PROM1: variants seen among roughly 807,000 people sequenced by gnomAD.
PROM1 encodes prominin-1.
PROM1 carries 105 observed loss-of-function variants against 116.9 expected under a neutral mutation model. The observed-to-expected ratio is 0.90, with a 90% confidence interval of 0.77 to 1.06. The LOEUF (loss-of-function observed/expected upper bound fraction) is 1.06. Among genes scored for constraint, PROM1 ranks in the 50% least tolerant of loss-of-function variants. The pLI, the probability that PROM1 is intolerant of heterozygous loss-of-function variation, is 0.00. For missense variants in PROM1, 1,122 were observed against 1,045.2 expected (o/e 1.07, Z -1.01); for synonymous variants, 393 against 387.0 (o/e 1.02, Z -0.18).
intron 2 of PROM1, among the ~76,000 whole-genome samples, chr4:16,057,434 A>G (rs1039776448): frequency 6.6e-6 from 1 of 152,252 alleles, no homozygotes; most frequent in Non-Finnish European, 1.5e-5. Context: ...TCGGGAACTT[A>G]GAGACTCCTA....
At chr4:16,051,163 A>G (rs1225815656) in intron 2 of PROM1, among the ~76,000 whole-genome samples, 1 of 152,234 alleles carries the variant, frequency 6.6e-6, no homozygotes, top group Non-Finnish European at 1.5e-5. Context: ...AACTCCAGGG[A>G]CAGGGAACAG....
At chr4:15,980,620 T>A in intron 23 of PROM1, 83 bp from the exon 24 acceptor site, 1 of 920,998 alleles carries the variant, frequency 1.1e-6, no homozygotes, top group East Asian at 2.6e-5. Flanking sequence ...TTTTTTTTTT[T>A]TTTTTTTTTT....
In PROM1 at chr4:16,075,641, G is replaced by T. The variant is rs181255076; in HGVS notation, c.220+46C>A. On this transcript the variant is annotated intron_variant, in intron 2 of 27. Coordinates refer to ENST00000447510, the MANE Select transcript of PROM1 (RefSeq NM_006017.3). ...TTGACATTAAAAAACAATATTGTGGGTGCGTTTGGAGATAAATCCTATCTT... is the reference window on the plus strand; with the variant it reads ...TTGACATTAAAAAACAATATTGTGGTTGCGTTTGGAGATAAATCCTATCTT... The T allele has an allele frequency of 4.0e-6, 6 of 1,514,256 alleles. 1 individual carries two copies. The South Asian group carries it at 7.2e-5, about 18-fold the overall frequency. The allele number at this position is 1,514,256 out of a possible 1,614,324, so 93.8% of individuals were successfully genotyped here.
chr4:16,036,440 G>A (rs900090764), intron 3 of PROM1, among the ~76,000 whole-genome samples: 1 of 152,150 alleles, frequency 6.6e-6, no homozygotes, highest in Non-Finnish European at 1.5e-5. Flanking sequence ...AAAATACTGG[G>A]ACTGGGGGGC....
intron 2 of PROM1, among the ~76,000 whole-genome samples, chr4:16,040,631 A>C (rs1167186690): frequency 6.6e-6 from 1 of 152,248 alleles, no homozygotes; most frequent in African/African-American, 2.4e-5. Context: ...CTGTGTGTCT[A>C]ATCTTAGGTG....
chr4:15,987,429 A>T (rs750622379), intron 20 of PROM1, among the ~76,000 whole-genome samples: 2 of 152,242 alleles, frequency 1.3e-5, no homozygotes, highest in African/African-American at 2.4e-5. Flanking sequence ...CATCCTACAC[A>T]TCAAAACATA....
intron 5 of PROM1, among the ~76,000 whole-genome samples, chr4:16,028,003 G>C (rs1054318752): frequency 5.3e-5 from 8 of 152,072 alleles, no homozygotes; most frequent in African/African-American, 1.7e-4. Context: ...TAAAATTAAA[G>C]CATTGATAAT....
At chr4:15,994,143 A>T in intron 15 of PROM1, 72 bp from the exon 16 acceptor site, 1 of 1,601,282 alleles carries the variant, frequency 6.2e-7, no homozygotes, top group South Asian at 1.1e-5. Context: ...ACTGAAGATG[A>T]GGAGAAAGGC....
intron 2 of PROM1, among the ~76,000 whole-genome samples, chr4:16,059,556 T>A (rs1739834758): frequency 6.6e-6 from 1 of 151,854 alleles, no homozygotes; most frequent in Non-Finnish European, 1.5e-5. Context: ...ATAAAAAAAA[T>A]TAGTCGGGTG....
At chr4:16,041,772 A>AT (rs1491106767) in intron 2 of PROM1, among the ~76,000 whole-genome samples, 13 of 34,338 alleles carry the variant, frequency 3.8e-4, no homozygotes, top group African/African-American at 1.3e-3. Flanking sequence ...ATAAATAAAT[A>AT]AATAAATAAA....
rs1185502209 is a variant in PROM1 at position 16,075,742 on chromosome 4, G to A, written c.165C>T (p.Leu55=). 16 of 1,613,736 alleles carry A rather than the reference G, an allele frequency of 9.9e-6. No homozygotes were observed. The highest frequency in any genetic ancestry group is 2.2e-5 in the South Asian group (2 of 90,988). The change falls in exon 2 of 28, where the codon CTC becomes CTT. Residue 55 remains leucine, a synonymous_variant. Transcript: ENST00000447510. ...DSHKAGPIGI[L]FELVHIFLYV... ...AGAGAAAGATATGCACTAGTTCAAA[G>A]AGAATGCCAATGGGTCCAGCTTTAT...
At position 16,046,682 on chromosome 4, in the gene PROM1, A is replaced by G. The variant is rs1235578864; in HGVS notation, c.221-7681T>C. Among the ~76,000 whole-genome samples, 3 of 152,346 alleles carry G rather than the reference A, an allele frequency of 2.0e-5. No individual in the cohort carries two copies. In the East Asian group the frequency reaches 5.8e-4, roughly 29 times the overall value. On this transcript the variant is annotated intron_variant, in intron 2 of 27. Transcript: ENST00000447510. ...ATTTAAGACATACAAATACACATGC[A>G]TTTGCCTCTCATCTGGTGCAAAGCC...
chr4:16,016,436 A>G (rs151081752), intron 9 of PROM1, among the ~76,000 whole-genome samples, 196 bp from the exon 10 acceptor site: 46 of 152,286 alleles, frequency 3.0e-4, no homozygotes, highest in African/African-American at 1.1e-3. Flanking sequence ...TAATTTTTTG[A>G]TGTCTGGAGG....
chr4:15,978,486 G>T (rs1174171995), intron 26 of PROM1, among the ~76,000 whole-genome samples: 1 of 152,200 alleles, frequency 6.6e-6, no homozygotes, highest in African/African-American at 2.4e-5. Flanking sequence ...GGCCTGGGAG[G>T]CTCTAAATAT....
At chr4:16,018,138 C>T (rs1728873732) in intron 9 of PROM1, among the ~76,000 whole-genome samples, 185 bp downstream of exon 9, 1 of 152,110 alleles carries the variant, frequency 6.6e-6, no homozygotes, top group Non-Finnish European at 1.5e-5. Flanking sequence ...TTCCCTTTTA[C>T]TCCTTTGCTC....
chr4:15,969,767 G>A (rs752987879), intron 27 of PROM1, among the ~76,000 whole-genome samples: 2 of 150,038 alleles, frequency 1.3e-5, no homozygotes, highest in African/African-American at 2.5e-5. Flanking sequence ...AGTAGAGATG[G>A]GGTTTCTCCA....
chr4:16,027,799 T>A (rs924506190), intron 5 of PROM1, among the ~76,000 whole-genome samples: 2 of 152,174 alleles, frequency 1.3e-5, no homozygotes, highest in African/African-American at 4.8e-5. Context: ...TTTGGTTTCA[T>A]TTGGGCTATT....
At position 16,066,369 on chromosome 4, in the gene PROM1, ATT is replaced by A. The variant is rs1293273257; in HGVS notation, c.220+9316_220+9317del. 1.4e-4 allele frequency among the ~76,000 whole-genome samples: 22 copies of A among 152,324 alleles called. No homozygotes were observed. In the South Asian group the frequency reaches 4.4e-3, roughly 30 times the overall value. On this transcript the variant is annotated intron_variant, in intron 2 of 27. Transcript: ENST00000447510. ...CTATTCTAAATGCTTTATAAATATAATTTACCTAAACAAATATTAAGATGACC... is the reference window on the plus strand; with the variant it reads ...CTATTCTAAATGCTTTATAAATATAATACCTAAACAAATATTAAGATGACC...
At chr4:16,069,988 G>A (rs922575847) in intron 2 of PROM1, among the ~76,000 whole-genome samples, 3 of 152,178 alleles carry the variant, frequency 2.0e-5, no homozygotes, top group South Asian at 4.1e-4. Flanking sequence ...CAGCTAATGC[G>A]ATTGGGTAAG....
Sources: gnomAD v4.1 joint callset for allele counts (sites outside exome capture counted in the v4.1 genomes callset) on GRCh38, gnomAD v4.1.1 for gene constraint, MANE v1.5 for transcripts, NCBI Gene and HGNC (gene_info 2026-07-23, HGNC 2026-07-21) for gene names.